Variants in DPP10 observed in about 807,000 individuals in gnomAD.
DPP10 encodes dipeptidyl peptidase like 10, also known as inactive dipeptidyl peptidase 10.
In DPP10, 33 loss-of-function variants were observed where a neutral mutation model predicts 120.9. The ratio of observed to expected loss-of-function variants is 0.27; its 90% confidence interval spans 0.21 to 0.37. DPP10 has a LOEUF of 0.37. Ranked by LOEUF, DPP10 falls within the 10% of genes least tolerant of loss-of-function variation. DPP10 has a pLI of 1.00. For synonymous variants in DPP10, 337 were observed against 326.1 expected (o/e 1.03, Z -0.36); for missense variants, 816 against 942.8 (o/e 0.87, Z 1.76).
At position 115,739,882 on chromosome 2, in the gene DPP10, C is replaced by T. The variant is rs1559096058; in HGVS notation, c.841C>T (p.Pro281Ser). 2.4e-5 allele frequency: 38 copies of T among 1,613,044 alleles called. No homozygotes were observed. Among genetic ancestry groups the T allele is most frequent in the Non-Finnish European group, 3.0e-5 (35 of 1,179,268 alleles). The change falls in exon 9 of 26, where the codon CCG becomes TCG. Residue 281 changes from proline to serine, a missense_variant. Transcript: ENST00000410059. Reference protein sequence around the residue: ...GALYPKGKQYPYPKAGQVNPT... With the variant: ...GALYPKGKQYSYPKAGQVNPT... The stretch of plus-strand genomic sequence containing the variant: ...GTTGTATCCCAAAGGAAAGCAGTAT[C>T]CGTATCCTAAGGTAAGTAACATGGA...
At chr2:115,675,109 A>T (rs1388907803) in intron 5 of DPP10, among the ~76,000 whole-genome samples, 1 of 152,212 alleles carries the variant, frequency 6.6e-6, no homozygotes, top group African/African-American at 2.4e-5. Context: ...TTTTAAAATA[A>T]AAACATTGAT....
chr2:114,849,498 G>A (rs1230563009), intron 1 of DPP10, among the ~76,000 whole-genome samples: 1 of 151,880 alleles, frequency 6.6e-6, no homozygotes, highest in Non-Finnish European at 1.5e-5. Flanking sequence ...CGTCACACCT[G>A]GCTAATTTTT....
chr2:115,431,087 G>T (rs940613227), intron 3 of DPP10, among the ~76,000 whole-genome samples: 1 of 152,182 alleles, frequency 6.6e-6, no homozygotes, highest in African/African-American at 2.4e-5. Context: ...GAGACCCAGG[G>T]TTATTATTCA....
chr2:114,860,129 C>T (rs1036388497), intron 1 of DPP10, among the ~76,000 whole-genome samples: 3 of 152,144 alleles, frequency 2.0e-5, no homozygotes, highest in African/African-American at 7.2e-5. Flanking sequence ...TCCCAACCTA[C>T]AGGAATTAAC....
At chr2:115,646,467 G>GT (rs1483590894) in intron 5 of DPP10, among the ~76,000 whole-genome samples, 1 of 152,106 alleles carries the variant, frequency 6.6e-6, no homozygotes. Context: ...ATCTAATACT[G>GT]TAAGTCCCAC....
intron 2 of DPP10, among the ~76,000 whole-genome samples, chr2:115,323,325 A>G (rs2062163834): frequency 6.6e-6 from 1 of 152,204 alleles, no homozygotes; most frequent in African/African-American, 2.4e-5. Flanking sequence ...TTGAGATTGC[A>G]GCAGTTCAGT....
rs114269758 is a variant in DPP10 at position 114,506,471 on chromosome 2, G to A, written c.60+63633G>A. Among the ~76,000 whole-genome samples the A allele has an allele frequency of 8.4e-3, 1,280 of 152,270 alleles. 9 individuals carry two copies. Among genetic ancestry groups the A allele is most frequent in the Non-Finnish European group, 0.012 (833 of 68,016 alleles). On this transcript the variant is annotated intron_variant, in intron 1 of 25. Transcript: ENST00000410059. ...CCAGACAAGAATTTAGGTGCCATGA[G>A]TGCGGGTACAAAAGGCTGTCACACT...
chr2:114,795,092 G>A (rs1213549283), intron 1 of DPP10, among the ~76,000 whole-genome samples: 1 of 152,098 alleles, frequency 6.6e-6, no homozygotes, highest in Non-Finnish European at 1.5e-5. Flanking sequence ...GTATATTCAG[G>A]TATTTAAAAG....
intron 3 of DPP10, among the ~76,000 whole-genome samples, chr2:115,484,896 G>A (rs956981622): frequency 6.6e-6 from 1 of 152,062 alleles, no homozygotes; most frequent in African/African-American, 2.4e-5. Flanking sequence ...TCAATTCTTA[G>A]CTGATCATCC....
At chr2:115,141,395 G>C (rs917984439) in intron 1 of DPP10, among the ~76,000 whole-genome samples, 12 of 152,048 alleles carry the variant, frequency 7.9e-5, no homozygotes, top group African/African-American at 2.4e-4. Context: ...TGATCTTCCC[G>C]ACACATTTTC....
At chr2:115,428,371 A>G (rs2070671829) in intron 3 of DPP10, among the ~76,000 whole-genome samples, 2 of 152,090 alleles carry the variant, frequency 1.3e-5, no homozygotes, top group Non-Finnish European at 2.9e-5. Context: ...TATTAGAAAT[A>G]CCTTAGACCG....
At chr2:115,774,805 A>T (rs1481255333) in intron 13 of DPP10, among the ~76,000 whole-genome samples, 1 of 152,178 alleles carries the variant, frequency 6.6e-6, no homozygotes, top group Middle Eastern at 3.2e-3. Flanking sequence ...ACACATGTGC[A>T]GTAAAGTATG....
rs148807189 is a variant in DPP10, at chr2:115,709,214, A to C, written c.577-18602A>C. 4.3e-3 allele frequency among the ~76,000 whole-genome samples: 648 copies of C among 152,212 alleles called. 6 individuals carry two copies. Among genetic ancestry groups the C allele is most frequent in the African/African-American group, 0.015 (624 of 41,550 alleles). On this transcript the variant is annotated intron_variant, in intron 7 of 25. Coordinates refer to ENST00000410059, the MANE Select transcript of DPP10 (RefSeq NM_020868.6). ...TGGAGGCAGAGTGTGGGTATCAAGT[A>C]AGTTGAATCTCTGATAGGAAATCCG...
intron 5 of DPP10, among the ~76,000 whole-genome samples, chr2:115,565,769 G>GTTTTTTTTTTTTTTTTTTT (rs144846765): frequency 1.5e-5 from 2 of 136,226 alleles, no homozygotes; most frequent in Non-Finnish European, 1.5e-5. Context: ...TGTTTGTTTT[G>GTTTTTTTTTTTTTTTTTTT]TTTTTTTTTG....
chr2:115,331,791 T>C (rs866087504), intron 2 of DPP10, among the ~76,000 whole-genome samples: 3 of 152,208 alleles, frequency 2.0e-5, no homozygotes, highest in Admixed American at 2.0e-4. Context: ...TCATGGTGGA[T>C]AAGCTTTTTG....
At chr2:115,403,698 C>A (rs997614334) in intron 3 of DPP10, among the ~76,000 whole-genome samples, 14 of 152,244 alleles carry the variant, frequency 9.2e-5, no homozygotes, top group African/African-American at 3.4e-4. Context: ...GCCACCGTGC[C>A]TGGCCACACC....
intron 1 of DPP10, among the ~76,000 whole-genome samples, chr2:114,929,528 T>G (rs1033239523): frequency 4.6e-5 from 7 of 152,204 alleles, no homozygotes; most frequent in African/African-American, 1.7e-4. Flanking sequence ...AATTCAGAGA[T>G]ATTTCTCCTA....
rs758529643 is a variant in DPP10 at position 114,736,064 on chromosome 2, TA to T, written c.60+293227del. Among the ~76,000 whole-genome samples, 117 of 152,108 alleles carry T rather than the reference TA, an allele frequency of 7.7e-4. 1 individual carries two copies. The highest frequency in any genetic ancestry group is 2.6e-4 in the Admixed American group (4 of 15,288). On this transcript the variant is annotated intron_variant, in intron 1 of 25. Coordinates refer to ENST00000410059, the MANE Select transcript of DPP10 (RefSeq NM_020868.6). Reference sequence around the variant, plus strand: ...AAGTAGATCTAGAGAAGTTTCTGTGTAGGGGGAGGATTGAAGTGAAAATGAG... The same window carrying T: ...AAGTAGATCTAGAGAAGTTTCTGTGTGGGGGAGGATTGAAGTGAAAATGAG...
intron 1 of DPP10, among the ~76,000 whole-genome samples, chr2:115,074,912 A>G (rs2104460603): frequency 6.6e-6 from 1 of 152,344 alleles, no homozygotes; most frequent in African/African-American, 2.4e-5. Context: ...TGGCAGGATT[A>G]AATAAATCTC....
Sources: gnomAD v4.1 joint callset for allele counts (sites outside exome capture counted in the v4.1 genomes callset) on GRCh38, gnomAD v4.1.1 for gene constraint, MANE v1.5 for transcripts, NCBI Gene and HGNC (gene_info 2026-07-23, HGNC 2026-07-21) for gene names.